FCRL3: variants seen among roughly 807,000 people sequenced by gnomAD.
FCRL3 encodes Fc receptor like 3, also known as Fc receptor-like protein 3.
In FCRL3, 89 loss-of-function variants were observed where a neutral mutation model predicts 75.0. The observed-to-expected ratio is 1.19, with a 90% CI of 1.00 to 1.42. The LOEUF (loss-of-function observed/expected upper bound fraction) is 1.42, where lower values mean the gene tolerates loss of function less well. FCRL3 is among the 40% of genes most tolerant of loss of function. The pLI is 0.00. For missense variants in FCRL3, 946 were observed against 880.0 expected, an observed-to-expected ratio of 1.07 and a Z score of -0.95; for synonymous variants, 376 against 348.5, an observed-to-expected ratio of 1.08 and a Z score of -0.88.
At chr1:157,699,745 T>A in intron 2 of FCRL3, 33 bp from the exon 3 acceptor site, 1 of 1,611,048 alleles carries the variant, frequency 6.2e-7, no homozygotes, top group Non-Finnish European at 8.5e-7. Flanking sequence ...AATCAGACAC[T>A]CTCCGAAACA....
At chr1:157,680,915 G>C in intron 12 of FCRL3, 66 bp downstream of exon 12, 1 of 1,462,368 alleles carries the variant, frequency 6.8e-7, no homozygotes, top group Non-Finnish European at 9.4e-7. Flanking sequence ...GCCATGGGCT[G>C]TCGCTCAATC....
upstream of FCRL3, chr1:157,700,774 G>A: frequency 7.9e-7 from 1 of 1,258,218 alleles, no homozygotes; most frequent in Non-Finnish European, 1.0e-6. Context: ...GACTGTGCCT[G>A]GGTTCTCTAG....
In FCRL3 at chr1:157,685,212, A is replaced by G. The variant is rs2101597472; in HGVS notation, c.1811-1968T>C. Among the ~76,000 whole-genome samples, 2 of 151,958 alleles carry G rather than the reference A, an allele frequency of 1.3e-5. 1 individual carries two copies. The highest frequency in any genetic ancestry group is 6.8e-3 in the Middle Eastern group (2 of 294). Reference sequence around the variant, plus strand: ...TAGAAAATGGCATCCCAGATAAACAATGAGAGGAAAAAAAGAAAAGTAATT... The same window carrying G: ...TAGAAAATGGCATCCCAGATAAACAGTGAGAGGAAAAAAAGAAAAGTAATT... On this transcript the variant is annotated intron_variant, in intron 10 of 14. Coordinates refer to ENST00000368184, the MANE Select transcript of FCRL3 (RefSeq NM_052939.4).
chr1:157,683,920 G>C (rs543414917), intron 10 of FCRL3, among the ~76,000 whole-genome samples: 1 of 152,130 alleles, frequency 6.6e-6, no homozygotes, highest in South Asian at 2.1e-4. Flanking sequence ...TTACTATATT[G>C]TTTCGTAATT....
In FCRL3 at chr1:157,696,031, G is replaced by A. The variant is rs777531137; in HGVS notation, c.1132+9C>T. The stretch of plus-strand genomic sequence containing the variant: ...AACTCGAGGCTGTGTGAAAGGAATC[G>A]GAACTTACTTCTCACGGTGACTCGA... On this transcript the variant is annotated intron_variant, in intron 7 of 14. Coordinates refer to ENST00000368184, the MANE Select transcript of FCRL3 (RefSeq NM_052939.4). 5.6e-6 allele frequency: 9 copies of A among 1,602,588 alleles called. No individual in the cohort carries two copies. The highest frequency in any genetic ancestry group is 3.4e-5 in the Admixed American group (2 of 59,308).
In FCRL3 at chr1:157,678,670, T is replaced by G. The variant is rs1208897309; in HGVS notation, c.*40A>C. ...TGGTTGGAGAGAACAGAAAAAAAAATGGTGCAGGCTGTTTCCTGTGGGCCA... is the reference window on the plus strand; with the variant it reads ...TGGTTGGAGAGAACAGAAAAAAAAAGGGTGCAGGCTGTTTCCTGTGGGCCA... On this transcript the variant is annotated 3_prime_UTR_variant, in exon 15 of 15. Transcript: ENST00000368184. 2 of 1,603,448 alleles carry G rather than the reference T, an allele frequency of 1.2e-6. No homozygotes were observed. Among genetic ancestry groups the G allele is most frequent in the Admixed American group, 1.7e-5 (1 of 58,552 alleles).
chr1:157,684,886 G>A (rs1655080674), intron 10 of FCRL3, among the ~76,000 whole-genome samples: 1 of 152,066 alleles, frequency 6.6e-6, no homozygotes, highest in South Asian at 2.1e-4. Flanking sequence ...AAATGTAGAA[G>A]GTCTGAGCTT....
chr1:157,679,037 T>C, intron 13 of FCRL3, 64 bp from the exon 14 acceptor site: 1 of 1,540,298 alleles, frequency 6.5e-7, no homozygotes, highest in Non-Finnish European at 9.0e-7. Context: ...ACTTACAACG[T>C]ACGCACACTG....
At chr1:157,681,764 G>A (rs12746352) in intron 11 of FCRL3, among the ~76,000 whole-genome samples, 24,737 of 152,040 alleles carry the variant, frequency 0.16, 2,470 homozygotes, top group East Asian at 0.24. Context: ...ACTCAGTAAT[G>A]GGATGGCTGG....
At chr1:157,688,482 A>C (rs1655312646) in intron 10 of FCRL3, among the ~76,000 whole-genome samples, 1 of 152,138 alleles carries the variant, frequency 6.6e-6, no homozygotes, top group African/African-American at 2.4e-5. Flanking sequence ...TCACAATTAC[A>C]GTTAAAGATT....
In FCRL3 at chr1:157,695,463, T is replaced by C. The variant is rs1655821813; in HGVS notation, c.1277A>G (p.Asn426Ser). 1 of 1,614,072 alleles carries C rather than the reference T, an allele frequency of 6.2e-7. No homozygotes were observed. The highest frequency in any genetic ancestry group is 8.5e-7 in the Non-Finnish European group (1 of 1,180,038). ...RFYHEDVTLGNSSAPSGGGAS... is the reference protein window; with the variant it reads ...RFYHEDVTLGSSSAPSGGGAS... ...TCCTCCTCCAGAGGGGGCTGAGCTG[T>C]TCCCCAGGGTGACATCCTCATGATA... Residue 426 changes from asparagine to serine, a missense_variant, in exon 8 of 15, where the codon AAC (asparagine) becomes AGC (serine). Asn to Ser is a conservative substitution (Grantham distance 46). Transcript: ENST00000368184.
At chr1:157,696,939 A>T in intron 6 of FCRL3, 1 of 417,026 alleles carries the variant, frequency 2.4e-6, no homozygotes, top group Non-Finnish European at 4.1e-6. Flanking sequence ...TCAGTAACTG[A>T]TCAATAATTA....
Position 157,690,493 on chromosome 1 carries a change from C to G in FCRL3, c.1452G>C (p.Gly484=), listed in dbSNP as rs375088342. 245 of 1,614,118 alleles carry G rather than the reference C, an allele frequency of 1.5e-4. No individual in the cohort carries two copies. Among genetic ancestry groups the G allele is most frequent in the Non-Finnish European group, 2.0e-4 (241 of 1,180,052 alleles). ...GCAGGTCCCCCACCACAGCCTGGGCCCCGGGAGCCCTGAGGGTGAGGACGG... is the reference window on the plus strand; with the variant it reads ...GCAGGTCCCCCACCACAGCCTGGGCGCCGGGAGCCCTGAGGGTGAGGACGG... ...SRPVLTLRAP[G]AQAVVGDLLE... is the part of the protein sequence containing the mutation. The change falls in exon 9 of 15, where the codon GGG becomes GGC. Residue 484 remains glycine (G), a synonymous_variant. Transcript: ENST00000368184.
Position 157,692,389 on chromosome 1 carries a change from C to G in FCRL3, c.1412-1856G>C, listed in dbSNP as rs907360102. 7.9e-5 allele frequency among the ~76,000 whole-genome samples: 12 copies of G among 152,152 alleles called. No individual in the cohort carries two copies. The South Asian group carries it at 1.9e-3, about 24-fold the overall frequency. On this transcript the variant is annotated intron_variant, in intron 8 of 14. Coordinates refer to ENST00000368184, the MANE Select transcript of FCRL3 (RefSeq NM_052939.4). The stretch of plus-strand genomic sequence containing the variant: ...GAGTAGCTGGGATTACCGGATCATG[C>G]CACCACGCCTTGCTATTCTTTTGTA...
upstream of FCRL3, chr1:157,700,839 T>C: frequency 1.2e-6 from 1 of 817,748 alleles, no homozygotes; most frequent in African/African-American, 1.8e-5. Context: ...GTATTTTTCA[T>C]ATGGGAAACC....
Position 157,678,288 on chromosome 1 carries a change from A to G in FCRL3, c.*422T>C. 1 of 1,010,066 alleles carries G rather than the reference A, an allele frequency of 9.9e-7. No individual in the cohort carries two copies. Among genetic ancestry groups the G allele is most frequent in the Non-Finnish European group, 1.2e-6 (1 of 844,674 alleles). The allele number at this position is 1,010,066 out of a possible 1,614,324, so 62.6% of individuals were successfully genotyped here. A position where few individuals can be genotyped will look rare whatever the true frequency, so the allele number is the denominator to read the frequency against. ...TATACACCAAAACATCAGCAATGCC[A>G]CTACCAGCCACACAAAAAAGGGAAA... On this transcript the variant is annotated 3_prime_UTR_variant, in exon 15 of 15. Transcript: ENST00000368184.
In FCRL3 at chr1:157,676,651, T is replaced by G; in HGVS notation, c.*2059A>C. Reference sequence around the variant, plus strand: ...AATCAGAATTTGCACATTTGTTATATCCGAGATGTACAGTTAGGACTCACC... The same window carrying G: ...AATCAGAATTTGCACATTTGTTATAGCCGAGATGTACAGTTAGGACTCACC... On this transcript the variant is annotated 3_prime_UTR_variant, in exon 15 of 15. Coordinates refer to ENST00000368184, the MANE Select transcript of FCRL3 (RefSeq NM_052939.4). The G allele has an allele frequency of 1.4e-6, 2 of 1,436,314 alleles. No individual in the cohort carries two copies. The highest frequency in any genetic ancestry group is 2.5e-5 in the South Asian group (2 of 80,996). The allele number at this position is 1,436,314 out of a possible 1,614,324, so 89.0% of individuals were successfully genotyped here.
chr1:157,680,349 A>T (rs1430573523), intron 13 of FCRL3, among the ~76,000 whole-genome samples: 1 of 152,242 alleles, frequency 6.6e-6, no homozygotes, highest in African/African-American at 2.4e-5. Flanking sequence ...GGAGGAGAAC[A>T]GTAGTAGAAA....
chr1:157,679,822 C>T (rs1203170263), intron 13 of FCRL3, among the ~76,000 whole-genome samples: 6 of 65,018 alleles, frequency 9.2e-5, no homozygotes, highest in African/African-American at 3.7e-4. Flanking sequence ...GAACGAGACC[C>T]CATCTCACAA....
Sources: allele counts gnomAD v4.1 joint callset (sites outside exome capture counted in the v4.1 genomes callset), GRCh38; gene constraint gnomAD v4.1.1; transcripts MANE v1.5; gene names NCBI Gene and HGNC (gene_info 2026-07-23, HGNC 2026-07-21).